Variants in TRPC4 observed in about 807,000 individuals in gnomAD.
TRPC4 encodes short transient receptor potential channel 4.
TRPC4 carries 49 observed loss-of-function variants against 99.4 expected under a neutral mutation model. That is an observed-to-expected ratio of 0.49 (90% CI 0.39 to 0.63). The LOEUF is 0.63. Ranked by LOEUF, TRPC4 falls within the 20% of genes least tolerant of loss-of-function variation. The pLI, the probability that TRPC4 is intolerant of heterozygous loss-of-function variation, is 0.00. For synonymous variants in TRPC4, 454 were observed against 425.9 expected (o/e 1.07, Z -0.81); for missense variants, 898 against 1,152.9 (o/e 0.78, Z 3.20).
chr13:37,638,942 AAC>A (rs1951621865), intron 10 of TRPC4, 96 bp downstream of exon 10: 4 of 1,262,388 alleles, frequency 3.2e-6, no homozygotes, highest in Middle Eastern at 1.9e-4. Flanking sequence ...GGCTTGCTGG[AAC>A]ACACAGCTGC....
intron 1 of TRPC4, chr13:37,855,101 T>C (rs1315183523): frequency 1.3e-5 from 2 of 151,712 alleles, no homozygotes; most frequent in African/African-American, 4.8e-5. Context: ...AACACACTAC[T>C]ATAAAGATAC....
chr13:37,748,135 A>T (rs1194753043), intron 2 of TRPC4, among the ~76,000 whole-genome samples: 3 of 152,150 alleles, frequency 2.0e-5, no homozygotes, highest in Non-Finnish European at 2.9e-5. Flanking sequence ...TGGAATTTTC[A>T]ATTTAATGTT....
intron 3 of TRPC4, among the ~76,000 whole-genome samples, chr13:37,741,657 G>A (rs778451308): frequency 7.9e-5 from 12 of 151,790 alleles, no homozygotes; most frequent in Non-Finnish European, 1.2e-4. Flanking sequence ...TCATCACAAC[G>A]TGAAAGCAAA....
intron 3 of TRPC4, among the ~76,000 whole-genome samples, chr13:37,725,719 A>C (rs2139056062): frequency 6.6e-6 from 1 of 152,326 alleles, no homozygotes; most frequent in Non-Finnish European, 1.5e-5. Context: ...ACCTCAAGAA[A>C]GCAGTTTGGA....
chr13:37,720,053 T>A (rs1190133526), intron 3 of TRPC4, among the ~76,000 whole-genome samples: 1 of 152,100 alleles, frequency 6.6e-6, no homozygotes, highest in Non-Finnish European at 1.5e-5. Context: ...CTCAACCTGC[T>A]ACTATTGCTG....
chr13:37,839,189 A>G (rs1310299505), intron 1 of TRPC4, among the ~76,000 whole-genome samples: 1 of 152,106 alleles, frequency 6.6e-6, no homozygotes. Flanking sequence ...ATGCCTTGAT[A>G]CCTTGTAGCT....
At chr13:37,724,006 A>G (rs1954955642) in intron 3 of TRPC4, among the ~76,000 whole-genome samples, 1 of 152,178 alleles carries the variant, frequency 6.6e-6, no homozygotes, top group Non-Finnish European at 1.5e-5. Flanking sequence ...CTGAAGCCTC[A>G]TTTATGATAG....
chr13:37,804,151 A>G (rs995748694), intron 1 of TRPC4, among the ~76,000 whole-genome samples: 2 of 152,148 alleles, frequency 1.3e-5, no homozygotes, highest in Non-Finnish European at 2.9e-5. Flanking sequence ...GAATTGGTTC[A>G]AAACTTCCAG....
chr13:37,850,811 G>C (rs1226463577), intron 1 of TRPC4, among the ~76,000 whole-genome samples: 2 of 152,152 alleles, frequency 1.3e-5, no homozygotes, highest in Non-Finnish European at 2.9e-5. Flanking sequence ...ATCCCAGATA[G>C]AGGGAAACCA....
Position 37,634,222 on chromosome 13 carries a change from T to G in TRPC4, c.*2681A>C, listed in dbSNP as rs950810452. 6.6e-6 allele frequency among the ~76,000 whole-genome samples: 1 copy of G among 152,090 alleles called. No homozygotes were observed. Among genetic ancestry groups the G allele is most frequent in the Non-Finnish European group, 1.5e-5 (1 of 67,974 alleles). Reference sequence around the variant, plus strand: ...GAAACGAACACCCTGAAGTACGCACTTACAAACCTCAAAGAAACAGTATTT... The same window carrying G: ...GAAACGAACACCCTGAAGTACGCACGTACAAACCTCAAAGAAACAGTATTT... On this transcript the variant is annotated 3_prime_UTR_variant, in exon 11 of 11. Transcript: ENST00000379705.
intron 3 of TRPC4, among the ~76,000 whole-genome samples, chr13:37,729,400 C>T (rs997716666): frequency 6.6e-6 from 1 of 151,220 alleles, no homozygotes; most frequent in Non-Finnish European, 1.5e-5. Context: ...AATGGTAAAG[C>T]CACTGTGAAA....
intron 1 of TRPC4, among the ~76,000 whole-genome samples, chr13:37,830,216 A>T (rs986587298): frequency 1.3e-5 from 2 of 152,204 alleles, no homozygotes; most frequent in Non-Finnish European, 2.9e-5. Flanking sequence ...ATGCTTCAGC[A>T]CATAAATGTG....
At chr13:37,641,152 A>C (rs1206376811) in intron 8 of TRPC4, among the ~76,000 whole-genome samples, 1 of 152,176 alleles carries the variant, frequency 6.6e-6, no homozygotes, top group Non-Finnish European at 1.5e-5. Context: ...CTTCAGTAGA[A>C]TCTTACTCAT....
intron 3 of TRPC4, among the ~76,000 whole-genome samples, chr13:37,727,830 C>T (rs549997662): frequency 6.6e-6 from 1 of 151,986 alleles, no homozygotes; most frequent in Non-Finnish European, 1.5e-5. Context: ...AAACACAAAA[C>T]CTACCAAGAC....
intron 8 of TRPC4, among the ~76,000 whole-genome samples, chr13:37,650,072 G>A (rs1286979997): frequency 6.6e-6 from 1 of 152,184 alleles, no homozygotes; most frequent in Non-Finnish European, 1.5e-5. Flanking sequence ...TTACTGAGAT[G>A]AGAGGAAAAT....
chr13:37,667,734 C>G (rs1291219839), intron 5 of TRPC4, among the ~76,000 whole-genome samples: 1 of 152,194 alleles, frequency 6.6e-6, no homozygotes, highest in African/African-American at 2.4e-5. Flanking sequence ...CCTCTATGTT[C>G]TGACTCCTTT....
At position 37,691,808 on chromosome 13, in the gene TRPC4, G is replaced by A. The variant is rs568182669; in HGVS notation, c.1234+191C>T. Among the ~76,000 whole-genome samples the A allele has an allele frequency of 2.6e-5, 4 of 152,310 alleles. No individual in the cohort carries two copies. The South Asian group carries it at 8.3e-4, about 32-fold the overall frequency. ...AATTTAAGGTTACGTTTCTTAAGCT[G>A]ATTTTGTAAGCGGGTCCACCGCAGC... On this transcript the variant is annotated intron_variant, in intron 4 of 10. Transcript: ENST00000379705.
chr13:37,775,533 G>A (rs1466817954), intron 2 of TRPC4, among the ~76,000 whole-genome samples: 1 of 151,158 alleles, frequency 6.6e-6, no homozygotes, highest in Non-Finnish European at 1.5e-5. Context: ...CAGCATCCAT[G>A]ATGATAAAGT....
chr13:37,675,589 C>G lies in TRPC4; in HGVS notation c.1235-1222G>C, dbSNP rs56312513. Among the ~76,000 whole-genome samples the G allele has an allele frequency of 2.1e-3, 325 of 152,076 alleles. 2 individuals are homozygous for G. The highest frequency in any genetic ancestry group is 6.8e-3 in the Middle Eastern group (2 of 294). ...CTGTGGGAGAGGCACAGTGTCCTCT[C>G]CAGGCTCCTCTCACCTAAGGAGCAA... On this transcript the variant is annotated intron_variant, in intron 4 of 10. Transcript: ENST00000379705.
Sources: allele counts gnomAD v4.1 joint callset (sites outside exome capture counted in the v4.1 genomes callset), GRCh38; gene constraint gnomAD v4.1.1; transcripts MANE v1.5; gene names NCBI Gene and HGNC (gene_info 2026-07-23, HGNC 2026-07-21).